The following PYY variants were observed in gnomAD, a reference collection of about 807,000 sequenced individuals.
PYY encodes the protein peptide tyrosine tyrosine.
In PYY, 12 loss-of-function variants were observed where a neutral mutation model predicts 10.3. The observed-to-expected ratio is 1.17, with a 90% CI of 0.75 to 1.89. The LOEUF is 1.89. Among genes scored for constraint, PYY ranks in the 40% most tolerant of loss-of-function variants. PYY has a pLI of 0.00. For missense variants in PYY, 141 were observed against 134.0 expected (o/e 1.05, Z -0.26); for synonymous variants, 66 against 62.0 (o/e 1.06, Z -0.30).
chr17:43,981,455 C>T (rs543862919), intron 1 of PYY, among the ~76,000 whole-genome samples: 2 of 151,976 alleles, frequency 1.3e-5, no homozygotes, highest in South Asian at 4.2e-4. Context: ...TTTGCATTTT[C>T]CTGATGATTG....
intron 1 of PYY, among the ~76,000 whole-genome samples, chr17:44,003,647 T>C: frequency 9.7e-6 from 1 of 102,916 alleles, no homozygotes; most frequent in East Asian, 3.1e-4. Flanking sequence ...AGGGTGGGAC[T>C]CCATCTCAAA....
intron 1 of PYY, among the ~76,000 whole-genome samples, chr17:43,982,175 C>T (rs76851762): frequency 0.013 from 1,989 of 152,284 alleles, 15 homozygotes; most frequent in Non-Finnish European, 0.019. Flanking sequence ...TACACATCAC[C>T]CCCCAACTCT....
At chr17:43,974,800 G>A (rs1320226004) in intron 1 of PYY, among the ~76,000 whole-genome samples, 1 of 152,168 alleles carries the variant, frequency 6.6e-6, no homozygotes, top group Non-Finnish European at 1.5e-5. Context: ...AGCAAGTGGT[G>A]CTGGTGAGGA....
chr17:43,974,261 C>T (rs2048814792), intron 1 of PYY, among the ~76,000 whole-genome samples: 2 of 151,816 alleles, frequency 1.3e-5, no homozygotes, highest in African/African-American at 2.4e-5. Flanking sequence ...CCGGATGCTA[C>T]TGTGCAAGCA....
At chr17:43,970,184 A>T (rs1189957885) in intron 1 of PYY, among the ~76,000 whole-genome samples, 1 of 144,424 alleles carries the variant, frequency 6.9e-6, no homozygotes, top group Non-Finnish European at 1.5e-5. Flanking sequence ...TGGATAAAAA[A>T]ACAAGACCCT....
At chr17:43,955,675 G>A (rs231461), upstream of PYY, among the ~76,000 whole-genome samples, 21,085 of 152,148 alleles carry the variant, frequency 0.14, 2,462 homozygotes, top group East Asian at 0.67. Context: ...TCTCAAAGGA[G>A]AGATATGGCC....
At chr17:43,982,009 A>G (rs2048886759) in intron 1 of PYY, among the ~76,000 whole-genome samples, 1 of 152,172 alleles carries the variant, frequency 6.6e-6, no homozygotes, top group Non-Finnish European at 1.5e-5. Flanking sequence ...ATCACTTTCC[A>G]TAAACATTTT....
chr17:43,996,663 G>C (rs1228598626), intron 1 of PYY, among the ~76,000 whole-genome samples: 1 of 151,662 alleles, frequency 6.6e-6, no homozygotes, highest in African/African-American at 2.4e-5. Flanking sequence ...TTTATGCTGG[G>C]TTTTTTTGTT....
At chr17:43,977,055 C>T (rs1213587049) in intron 1 of PYY, among the ~76,000 whole-genome samples, 1 of 152,184 alleles carries the variant, frequency 6.6e-6, no homozygotes, top group Non-Finnish European at 1.5e-5. Context: ...TGTTTACCTC[C>T]ACCCTCTCAT....
At chr17:43,975,411 A>G (rs1385485312) in intron 1 of PYY, among the ~76,000 whole-genome samples, 1 of 152,032 alleles carries the variant, frequency 6.6e-6, no homozygotes, top group Non-Finnish European at 1.5e-5. Context: ...TCTTTTGGCA[A>G]TTAAACAGTG....
chr17:43,962,819 A>G (rs2048721842), intron 2 of PYY, among the ~76,000 whole-genome samples: 5 of 152,192 alleles, frequency 3.3e-5, no homozygotes, highest in Admixed American at 2.6e-4. Flanking sequence ...GTAGCAGGCG[A>G]GGGCAAGGGC....
At chr17:43,963,499 C>T (rs1410526553) in intron 2 of PYY, among the ~76,000 whole-genome samples, 18 of 101,264 alleles carry the variant, frequency 1.8e-4, no homozygotes, top group Non-Finnish European at 3.4e-4. Flanking sequence ...CAGAGTGAAA[C>T]TCCATCTCAA....
Position 43,953,154 on chromosome 17 carries a change from G to T in PYY, c.224C>A (p.Ser75Tyr), listed in dbSNP as rs749431185. ...GKRDGPDTLLSKTFFPDGEDR... is the reference protein window; with the variant it reads ...GKRDGPDTLLYKTFFPDGEDR... ...CTCGCCGTCGGGGAAGAACGTTTTGGAAAGAAGCGTGTCCGGGCCGTCTCT... is the reference window on the plus strand; with the variant it reads ...CTCGCCGTCGGGGAAGAACGTTTTGTAAAGAAGCGTGTCCGGGCCGTCTCT... Residue 75 changes from serine to tyrosine, a missense_variant, in exon 3 of 4, where the codon TCC becomes TAC. Ser to Tyr is a moderately radical substitution (Grantham distance 144). Transcript: ENST00000692052. 6.2e-7 allele frequency: 1 copy of T among 1,613,980 alleles called. No individual in the cohort carries two copies. The highest frequency in any genetic ancestry group is 1.1e-5 in the South Asian group (1 of 91,078).
Position 43,952,823 on chromosome 17 carries a change from G to C in PYY, c.*133C>G. 1 of 985,586 alleles carries C rather than the reference G, an allele frequency of 1.0e-6. No individual in the cohort carries two copies. Among genetic ancestry groups the C allele is most frequent in the Non-Finnish European group, 1.5e-6 (1 of 686,384 alleles). 61.1% of individuals were successfully genotyped at this position (985,586 alleles called of 1,614,324 possible). On this transcript the variant is annotated 3_prime_UTR_variant, in exon 4 of 4. Coordinates refer to ENST00000692052, the MANE Select transcript of PYY (RefSeq NM_001394028.1). Reference sequence around the variant, plus strand: ...CCAGGGGGCGGGGGCACCGAGACGCGGGCGGAGGGCCGCACCCGAACCCTG... The same window carrying C: ...CCAGGGGGCGGGGGCACCGAGACGCCGGCGGAGGGCCGCACCCGAACCCTG...
chr17:44,002,288 A>G (rs953014036), intron 1 of PYY, among the ~76,000 whole-genome samples: 4 of 152,214 alleles, frequency 2.6e-5, no homozygotes, highest in Admixed American at 1.3e-4. Flanking sequence ...GAGACTCCTC[A>G]GGAGGGAAGT....
rs556119927 is a variant in PYY, at chr17:43,991,648, A to G, written c.-463+12743T>C. On this transcript the variant is annotated intron_variant, in intron 1 of 6. Transcript: ENST00000360085. Reference sequence around the variant, plus strand: ...AAATATCTTGTGTAGCCTGGGCAACATGGTGAAACTCCATCTCTACAAAAA... The same window carrying G: ...AAATATCTTGTGTAGCCTGGGCAACGTGGTGAAACTCCATCTCTACAAAAA... Among the ~76,000 whole-genome samples, 14 of 152,290 alleles carry G rather than the reference A, an allele frequency of 9.2e-5. No individual in the cohort carries two copies. In the South Asian group the frequency reaches 2.9e-3, roughly 32 times the overall value.
At chr17:43,994,512 C>A (rs999121662) in intron 1 of PYY, among the ~76,000 whole-genome samples, 22 of 152,224 alleles carry the variant, frequency 1.4e-4, no homozygotes, top group African/African-American at 5.3e-4. Flanking sequence ...GGAAGGATCC[C>A]CAGAGTGGGA....
At chr17:43,996,719 G>A (rs1197725953) in intron 1 of PYY, among the ~76,000 whole-genome samples, 1 of 151,760 alleles carries the variant, frequency 6.6e-6, no homozygotes, top group Non-Finnish European at 1.5e-5. Context: ...ACAGGGTCTT[G>A]CTCTGTTGCC....
chr17:43,994,116 A>ATCCC (rs2048975046), intron 1 of PYY, among the ~76,000 whole-genome samples: 1 of 152,048 alleles, frequency 6.6e-6, no homozygotes, highest in African/African-American at 2.4e-5. Flanking sequence ...AGCCTCCCAA[A>ATCCC]GTGCTGGGAT....
Sources: allele counts gnomAD v4.1 joint callset (sites outside exome capture counted in the v4.1 genomes callset), GRCh38; gene constraint gnomAD v4.1.1; transcripts MANE v1.5; gene names NCBI Gene and HGNC (gene_info 2026-07-23, HGNC 2026-07-21).